The following KANK4 variants were observed in gnomAD, a reference collection of about 807,000 sequenced individuals.
KANK4 encodes KN motif and ankyrin repeat domains 4, also known as KN motif and ankyrin repeat domain-containing protein 4.
Under a neutral mutation model 80.8 loss-of-function variants are expected in KANK4, and 50 were observed. That is an observed-to-expected ratio of 0.62 (90% confidence interval 0.49 to 0.78). KANK4 has a LOEUF of 0.78. KANK4 is among the 30% of genes least tolerant of loss of function. The pLI is 0.00. For synonymous variants in KANK4, 465 were observed against 506.9 expected (o/e 0.92, Z 1.11); for missense variants, 1,196 against 1,240.1 (o/e 0.96, Z 0.53).
Position 62,281,632 on chromosome 1 carries a change from G to T in KANK4, c.-68C>A. The T allele has an allele frequency of 1.3e-6, 2 of 1,581,022 alleles. No homozygotes were observed. The highest frequency in any genetic ancestry group is 1.1e-5 in the South Asian group (1 of 90,390). On this transcript the variant is annotated splice_region_variant and 5_prime_UTR_variant, in exon 2 of 10. Transcript: ENST00000371153. Reference sequence around the variant, plus strand: ...AATGAGTCTGTAAAACTTGTTGAAGGTTCTGAAAGAAAGGAGGATACAGAA... The same window carrying T: ...AATGAGTCTGTAAAACTTGTTGAAGTTTCTGAAAGAAAGGAGGATACAGAA...
At chr1:62,295,288 C>A (rs7413419) in intron 1 of KANK4, among the ~76,000 whole-genome samples, 65,379 of 151,798 alleles carry the variant, frequency 0.43, 15,249 homozygotes, top group East Asian at 0.78. Flanking sequence ...ACTATAGGCG[C>A]CCGCCACAAA....
At position 62,274,827 on chromosome 1, in the gene KANK4, G is replaced by T. The variant is rs1271585655; in HGVS notation, c.277C>A (p.Pro93Thr). 1 of 1,614,148 alleles carries T rather than the reference G, an allele frequency of 6.2e-7. No homozygotes were observed. The change falls in exon 3 of 10, where the codon CCC becomes ACC. Residue 93 changes from proline (P) to threonine (T), a missense_variant. Coordinates refer to ENST00000371153, the MANE Select transcript of KANK4 (RefSeq NM_181712.5). ...PAAPPLQNWS[P>T]VVPREASLGT... ...AGTGATGCCTCCCTTGGCACCACGG[G>T]AGACCAGTTTTGGAGGGGCGGGGCT...
intron 8 of KANK4, among the ~76,000 whole-genome samples, chr1:62,248,268 G>A (rs1242630930): frequency 2.0e-5 from 3 of 152,206 alleles, no homozygotes; most frequent in Non-Finnish European, 2.9e-5. Context: ...TGTAATCATA[G>A]GTGGACGTAG....
intron 1 of KANK4, among the ~76,000 whole-genome samples, chr1:62,311,165 C>A (rs1644494675): frequency 6.6e-6 from 1 of 152,046 alleles, no homozygotes; most frequent in African/African-American, 2.4e-5. Context: ...TTCCCAGTTG[C>A]CTGTAGTAGG....
intron 7 of KANK4, among the ~76,000 whole-genome samples, chr1:62,259,036 G>A (rs1671817548): frequency 6.6e-6 from 1 of 152,086 alleles, no homozygotes; most frequent in South Asian, 2.1e-4. Context: ...CCAGGCAGGT[G>A]GGAGCCAGGG....
At chr1:62,277,973 A>C (rs561666423) in intron 2 of KANK4, among the ~76,000 whole-genome samples, 1 of 152,328 alleles carries the variant, frequency 6.6e-6, no homozygotes, top group African/African-American at 2.4e-5. Flanking sequence ...AAGTTCTATA[A>C]ATGCAGCTGA....
At chr1:62,288,543 C>T (rs756333882) in intron 1 of KANK4, among the ~76,000 whole-genome samples, 8 of 142,122 alleles carry the variant, frequency 5.6e-5, no homozygotes, top group Non-Finnish European at 1.1e-4. Flanking sequence ...GTCATTCCCA[C>T]AGAATGCAAC....
At chr1:62,275,964 C>A (rs34477066) in intron 2 of KANK4, among the ~76,000 whole-genome samples, 41,395 of 150,092 alleles carry the variant, frequency 0.28, 6,481 homozygotes, top group South Asian at 0.35. Context: ...AGAAAGAAAT[C>A]GCATTTTTCA....
intron 6 of KANK4, among the ~76,000 whole-genome samples, chr1:62,264,892 T>C (rs780610853): frequency 2.5e-4 from 38 of 152,292 alleles, no homozygotes; most frequent in Admixed American, 1.0e-3. Context: ...AGTGCAGTTG[T>C]ATGATCTCAG....
chr1:62,251,021 C>T (rs180703863), intron 8 of KANK4, among the ~76,000 whole-genome samples: 3 of 152,374 alleles, frequency 2.0e-5, no homozygotes, highest in East Asian at 3.9e-4. Flanking sequence ...AAGCACACCA[C>T]AATCTGCCCT....
intron 2 of KANK4, among the ~76,000 whole-genome samples, chr1:62,277,386 A>G (rs1169687474): frequency 6.6e-6 from 1 of 152,208 alleles, no homozygotes; most frequent in Admixed American, 6.5e-5. Flanking sequence ...TATCTTCAAG[A>G]TGACCACCAC....
At position 62,289,895 on chromosome 1, in the gene KANK4, G is replaced by GCCAATGAC. The variant is rs1672645626; in HGVS notation, c.-70-8269_-70-8262dup. 5.9e-5 allele frequency among the ~76,000 whole-genome samples: 9 copies of GCCAATGAC among 152,184 alleles called. No individual in the cohort carries two copies. The South Asian group carries it at 1.9e-3, about 32-fold the overall frequency. On this transcript the variant is annotated intron_variant, in intron 1 of 9. Transcript: ENST00000371153. ...AAGTACTAGCTGAAATGCCAGCTTT[G>GCCAATGAC]CCAATGACTGACTGTATAATCTTGC...
In KANK4 at chr1:62,236,267, G is replaced by C. The variant is rs1671198160; in HGVS notation, c.*2010C>G. On this transcript the variant is annotated 3_prime_UTR_variant, in exon 10 of 10. Coordinates refer to ENST00000371153, the MANE Select transcript of KANK4 (RefSeq NM_181712.5). ...TAGCATCAGCATCTCCCAGGACCTG[G>C]TTAGAAATGCAGAATCTCAGGCCCC... Among the ~76,000 whole-genome samples the C allele has an allele frequency of 6.6e-6, 1 of 152,140 alleles. No homozygotes were observed. Among genetic ancestry groups the C allele is most frequent in the African/African-American group, 2.4e-5 (1 of 41,434 alleles).
chr1:62,283,567 G>A (rs1672497657), intron 1 of KANK4, among the ~76,000 whole-genome samples: 1 of 152,164 alleles, frequency 6.6e-6, no homozygotes, highest in South Asian at 2.1e-4. Context: ...CCCCCTGTGA[G>A]GGGAAATGCT....
At chr1:62,302,853 A>T (rs942268942) in intron 1 of KANK4, among the ~76,000 whole-genome samples, 1 of 152,176 alleles carries the variant, frequency 6.6e-6, no homozygotes, top group Non-Finnish European at 1.5e-5. Context: ...TACCCAGGTT[A>T]GCAGTAGGAG....
chr1:62,242,596 A>G (rs1671370860), intron 9 of KANK4, among the ~76,000 whole-genome samples: 1 of 152,132 alleles, frequency 6.6e-6, no homozygotes, highest in South Asian at 2.1e-4. Context: ...GGGACCCAGA[A>G]GAGGCTGGGT....
intron 9 of KANK4, among the ~76,000 whole-genome samples, chr1:62,244,184 G>T (rs1671412159): frequency 6.6e-6 from 1 of 151,196 alleles, no homozygotes; most frequent in Admixed American, 6.6e-5. Flanking sequence ...TCAAACTCAT[G>T]AGTGTTTATT....
intron 2 of KANK4, among the ~76,000 whole-genome samples, chr1:62,276,215 G>A (rs1477587551): frequency 6.6e-6 from 1 of 152,170 alleles, no homozygotes; most frequent in Admixed American, 6.5e-5. Context: ...ATAGGGGCCT[G>A]TTGCCAAGCA....
intron 1 of KANK4, among the ~76,000 whole-genome samples, chr1:62,287,776 C>A (rs1386412998): frequency 2.0e-5 from 3 of 152,144 alleles, no homozygotes; most frequent in African/African-American, 7.2e-5. Context: ...GGTTAGGAGA[C>A]TTTGCAAAGT....
Sources: gnomAD v4.1 joint callset for allele counts (sites outside exome capture counted in the v4.1 genomes callset) on GRCh38, gnomAD v4.1.1 for gene constraint, MANE v1.5 for transcripts, NCBI Gene and HGNC (gene_info 2026-07-23, HGNC 2026-07-21) for gene names.